Variants in DBR1 observed in about 807,000 individuals in gnomAD.
DBR1 encodes the protein debranching RNA lariats 1, also known as lariat debranching enzyme.
In DBR1, 33 loss-of-function variants were observed where a neutral mutation model predicts 45.9. The ratio of observed to expected loss-of-function variants is 0.72; its 90% CI spans 0.55 to 0.96. The LOEUF (loss-of-function observed/expected upper bound fraction) is 0.96. Ranked by LOEUF, DBR1 falls within the 40% of genes least tolerant of loss-of-function variation. The probability of loss-of-function intolerance (pLI) is 0.00; values close to 1 mark genes in which losing one functional copy is unlikely to be tolerated. For missense variants in DBR1, 619 were observed against 667.4 expected (o/e 0.93, Z 0.80); for synonymous variants, 235 against 235.9 (o/e 1.00, Z 0.04).
chr3:138,163,292 G>A, intron 7 of DBR1, 57 bp downstream of exon 7: 1 of 1,556,992 alleles, frequency 6.4e-7, no homozygotes. Flanking sequence ...AAAGGTGGGA[G>A]ATATAAAAAT....
rs1227734274 is a variant in DBR1, at chr3:138,161,560, T to C, written c.*329A>G. The C allele has an allele frequency of 4.5e-6, 1 of 223,214 alleles. No homozygotes were observed. The highest frequency in any genetic ancestry group is 9.0e-6 in the Non-Finnish European group (1 of 110,894). 13.8% of individuals were successfully genotyped at this position (223,214 alleles called of 1,614,324 possible). A position where few individuals can be genotyped will look rare whatever the true frequency, so the allele number is the denominator to read the frequency against. On this transcript the variant is annotated 3_prime_UTR_variant, in exon 8 of 8. Transcript: ENST00000260803. ...ACATATAATACTAAGACAAGTAAATTGTCGGCCAGGCACAGTGGCTCACGC... is the reference window on the plus strand; with the variant it reads ...ACATATAATACTAAGACAAGTAAATCGTCGGCCAGGCACAGTGGCTCACGC...
intron 5 of DBR1, among the ~76,000 whole-genome samples, chr3:138,166,146 T>C (rs1004738014): frequency 2.6e-5 from 4 of 152,234 alleles, no homozygotes; most frequent in South Asian, 2.1e-4. Flanking sequence ...ATTCTCTACA[T>C]GTCTCCAAGA....
In DBR1 at chr3:138,161,815, C is replaced by A. The variant is rs1180092476; in HGVS notation, c.*74G>T. On this transcript the variant is annotated 3_prime_UTR_variant, in exon 8 of 8. Transcript: ENST00000260803. ...GAGCCGAGATCACGCCATTGCACTC[C>A]AGTCTAGGTGACAAGAGTGAAACTC... 1.1e-5 allele frequency: 13 copies of A among 1,189,426 alleles called. No homozygotes were observed. The East Asian group carries it at 2.6e-4, about 23-fold the overall frequency. The allele number at this position is 1,189,426 out of a possible 1,614,324, so 73.7% of individuals were successfully genotyped here. A position where few individuals can be genotyped will look rare whatever the true frequency, so the allele number is the denominator to read the frequency against.
intron 2 of DBR1, among the ~76,000 whole-genome samples, chr3:138,172,552 G>A (rs1343524349): frequency 6.6e-6 from 1 of 152,194 alleles, no homozygotes; most frequent in Non-Finnish European, 1.5e-5. Flanking sequence ...CTGAGATCAG[G>A]CCACTGCACT....
chr3:138,162,561 T>C lies in DBR1; in HGVS notation c.963A>G (p.Glu321=). The change falls in exon 8 of 8, where the codon GAA becomes GAG. Residue 321 remains glutamate, a synonymous_variant. Transcript: ENST00000260803. ...LHARWDYSAT[E]EGMKEVLEKL... Reference sequence around the variant, plus strand: ...TTTCCAATACTTCTTTCATACCTTCTTCTGTTGCACTATAATCCCACCTAT... The same window carrying C: ...TTTCCAATACTTCTTTCATACCTTCCTCTGTTGCACTATAATCCCACCTAT... 4 of 1,611,488 alleles carry C rather than the reference T, an allele frequency of 2.5e-6. No homozygotes were observed. Among genetic ancestry groups the C allele is most frequent in the Admixed American group, 3.3e-5 (2 of 59,998 alleles).
chr3:138,162,332 C>T lies in DBR1; in HGVS notation c.1192G>A (p.Glu398Lys). The change falls in exon 8 of 8, where the codon GAA becomes AAA. Residue 398 changes from glutamate (E) to lysine (K), a missense_variant. Physicochemically the swap from Glu to Lys is moderately conservative, Grantham distance 56 (BLOSUM62 1). This residue lies in a region of DBR1 where 182 missense variants were observed against 196.1 expected (regional missense o/e 0.93). Transcript: ENST00000260803. ...TCATTACTCTCCACATCATCCTGTT[C>T]TTCATATTCACCACACACATGATGT... Reference protein sequence around the residue: ...EEHHVCGEYEEQDDVESNDSG... With the variant: ...EEHHVCGEYEKQDDVESNDSG... The T allele has an allele frequency of 6.2e-7, 1 of 1,614,180 alleles. No homozygotes were observed. The highest frequency in any genetic ancestry group is 8.5e-7 in the Non-Finnish European group (1 of 1,180,032).
At chr3:138,164,004 A>C in intron 5 of DBR1, 146 bp from the exon 6 acceptor site, 1 of 530,422 alleles carries the variant, frequency 1.9e-6, no homozygotes, top group Non-Finnish European at 3.4e-6. Context: ...TCCAAAATTA[A>C]GTTAATTCTA....
Position 138,163,434 on chromosome 3 carries a change from G to T in DBR1, c.856C>A (p.Leu286Ile). 1 of 1,612,604 alleles carries T rather than the reference G, an allele frequency of 6.2e-7. No homozygotes were observed. The highest frequency in any genetic ancestry group is 8.5e-7 in the Non-Finnish European group (1 of 1,178,720). The change falls in exon 7 of 8, where the codon CTC (leucine) becomes ATC (isoleucine). Residue 286 changes from leucine to isoleucine, a missense_variant. By Grantham distance (5) the Leu-to-Ile change is conservative. This residue lies in a region of DBR1 where 430 missense variants were observed against 447.7 expected (regional missense o/e 0.96). Coordinates refer to ENST00000260803, the MANE Select transcript of DBR1 (RefSeq NM_016216.4). Reference protein sequence around the residue: ...PDYLEYDIEWLTILRATDDLI... With the variant: ...PDYLEYDIEWITILRATDDLI... Reference sequence around the variant, plus strand: ...TCATCCGTAGCCCTGAGAATAGTGAGCCATTCAATATCATATTCCAAGTAA... The same window carrying T: ...TCATCCGTAGCCCTGAGAATAGTGATCCATTCAATATCATATTCCAAGTAA...
chr3:138,170,128 A>G lies in DBR1; in HGVS notation c.468T>C (p.Ile156=), dbSNP rs1559883903. 1.3e-6 allele frequency: 2 copies of G among 1,592,112 alleles called. No homozygotes were observed. Among genetic ancestry groups the G allele is most frequent in the Admixed American group, 3.4e-5 (2 of 58,912 alleles). Residue 156 remains isoleucine, a synonymous_variant, in exon 4 of 8, where the codon ATT becomes ATC. Coordinates refer to ENST00000260803, the MANE Select transcript of DBR1 (RefSeq NM_016216.4). ...GTACCTGTTTTAATTTATAGACTTC[A>G]ATATTTCTCACATGATATATACTCC... ...TIRSIYHVRN[I]EVYKLKQLKQ...
chr3:138,164,824 T>C (rs2042923081), intron 5 of DBR1, among the ~76,000 whole-genome samples: 1 of 152,218 alleles, frequency 6.6e-6, no homozygotes, highest in Admixed American at 6.5e-5. Flanking sequence ...TTTTTGTATT[T>C]TTAGTAGAGA....
chr3:138,172,316 GC>G (rs1200544340), intron 2 of DBR1, among the ~76,000 whole-genome samples: 4 of 152,202 alleles, frequency 2.6e-5, no homozygotes, highest in Admixed American at 1.3e-4. Flanking sequence ...GGGTGCGGTG[GC>G]TCATCCCTGT....
chr3:138,174,530 G>T lies in DBR1; in HGVS notation c.197+69C>A, dbSNP rs931926820. On this transcript the variant is annotated intron_variant, in intron 1 of 7. Coordinates refer to ENST00000260803, the MANE Select transcript of DBR1 (RefSeq NM_016216.4). ...CAAAGACAGGATCTAAGGGAAACAGGCAGCCAGTGGCAGAGGGAACCCAGT... is the reference window on the plus strand; with the variant it reads ...CAAAGACAGGATCTAAGGGAAACAGTCAGCCAGTGGCAGAGGGAACCCAGT... 5 of 1,453,204 alleles carry T rather than the reference G, an allele frequency of 3.4e-6. No homozygotes were observed. In the African/African-American group the frequency reaches 5.6e-5, roughly 16 times the overall value. 90.0% of individuals were successfully genotyped at this position (1,453,204 alleles called of 1,614,324 possible).
intron 2 of DBR1, among the ~76,000 whole-genome samples, chr3:138,172,128 T>C (rs979265013): frequency 1.1e-4 from 17 of 152,238 alleles, no homozygotes; most frequent in African/African-American, 3.9e-4. Flanking sequence ...TCATTTCTGA[T>C]TGATCATCTT....
rs149959691 is a variant in DBR1 at position 138,162,311 on chromosome 3, T to C, written c.1213A>G (p.Asn405Asp). ...TCACTCTGGTCTTCTCCAGAGTCAT[T>C]ACTCTCCACATCATCCTGTTCTTCA... The part of the protein sequence containing the change: ...EYEEQDDVES[N>D]DSGEDQSEYN... The change falls in exon 8 of 8, where the codon AAT becomes GAT. Residue 405 changes from asparagine (N) to aspartate (D), a missense_variant. Asn to Asp is a conservative substitution (Grantham distance 23, BLOSUM62 1). This residue lies in a region of DBR1 where 182 missense variants were observed against 196.1 expected (regional missense o/e 0.93). Transcript: ENST00000260803. 6.2e-7 allele frequency: 1 copy of C among 1,614,112 alleles called. No individual in the cohort carries two copies. Among genetic ancestry groups the C allele is most frequent in the African/African-American group, 1.3e-5 (1 of 74,942 alleles).
Position 138,161,896 on chromosome 3 carries a change from G to A in DBR1, c.1628C>T (p.Ala543Val), listed in dbSNP as rs371659375. 1 of 1,607,288 alleles carries A rather than the reference G, an allele frequency of 6.2e-7. No individual in the cohort carries two copies. Among genetic ancestry groups the A allele is most frequent in the Non-Finnish European group, 8.5e-7 (1 of 1,173,976 alleles). ...YAAVDDDDDD[A>V]A ...CAAAACAAGTAAATCATCTTAAGCT[G>A]CATCGTCATCATCATCATCCACTGC... Residue 543 changes from alanine to valine, a missense_variant, in exon 8 of 8, where the codon GCA (alanine) becomes GTA (valine). Ala to Val is a moderately conservative substitution (Grantham distance 64, BLOSUM62 0). This residue lies in a region of DBR1 where 182 missense variants were observed against 196.1 expected (regional missense o/e 0.93). Transcript: ENST00000260803.
intron 2 of DBR1, among the ~76,000 whole-genome samples, chr3:138,172,406 A>G (rs1373672286): frequency 6.6e-6 from 1 of 152,180 alleles, no homozygotes; most frequent in African/African-American, 2.4e-5. Flanking sequence ...CAACATGGCC[A>G]AACTCAGTCT....
chr3:138,164,639 T>C (rs1229502240), intron 5 of DBR1, among the ~76,000 whole-genome samples: 1 of 152,136 alleles, frequency 6.6e-6, no homozygotes, highest in East Asian at 1.9e-4. Flanking sequence ...TAAAATGTGG[T>C]TTTTTTCTTT....
chr3:138,162,510 T>C lies in DBR1; in HGVS notation c.1014A>G (p.Pro338=), dbSNP rs935612994. 1.2e-6 allele frequency: 2 copies of C among 1,614,110 alleles called. No individual in the cohort carries two copies. Among genetic ancestry groups the C allele is most frequent in the Non-Finnish European group, 1.7e-6 (2 of 1,179,946 alleles). The part of the protein sequence containing the change: ...LEKLNHDLKV[P]CNFSVTAACY... ...AAGCAGCTGTTACACTAAAGTTACA[T>C]GGAACCTTGAGATCATGATTCAATT... The change falls in exon 8 of 8, where the codon CCA becomes CCG. Residue 338 remains proline (P), a synonymous_variant. Transcript: ENST00000260803.
intron 3 of DBR1, among the ~76,000 whole-genome samples, chr3:138,170,715 T>TAAAACAGTTACATTC (rs2042950110): frequency 1.3e-5 from 2 of 152,354 alleles, no homozygotes; most frequent in African/African-American, 4.8e-5. Context: ...ATTCAGGATG[T>TAAAACAGTTACATTC]AAGTTTTAGC....
Sources: gnomAD v4.1 joint callset for allele counts (sites outside exome capture counted in the v4.1 genomes callset) on GRCh38, gnomAD v4.1.1 for gene constraint, gnomAD v4.1.1 regional missense constraint, MANE v1.5 for transcripts, NCBI Gene and HGNC (gene_info 2026-07-23, HGNC 2026-07-21) for gene names.